Variants in ZNF451 observed in about 807,000 individuals in gnomAD.
ZNF451 encodes the protein zinc finger protein 451.
ZNF451 carries 80 observed loss-of-function variants against 107.1 expected under a neutral mutation model. The observed-to-expected ratio is 0.75, with a 90% CI of 0.62 to 0.90. The LOEUF (loss-of-function observed/expected upper bound fraction) is 0.90. Ranked by LOEUF, ZNF451 falls within the 40% of genes least tolerant of loss-of-function variation. The probability of loss-of-function intolerance (pLI) is 0.00; values close to 1 mark genes in which losing one functional copy is unlikely to be tolerated. For synonymous variants in ZNF451, 362 were observed against 406.5 expected (o/e 0.89, Z 1.32); for missense variants, 1,107 against 1,236.2 (o/e 0.90, Z 1.57).
At chr6:57,133,819 T>C (rs1370317386) in intron 6 of ZNF451, among the ~76,000 whole-genome samples, 1 of 151,920 alleles carries the variant, frequency 6.6e-6, no homozygotes, top group Non-Finnish European at 1.5e-5. Flanking sequence ...GGACTACAGG[T>C]TGTGCGCCAC....
At chr6:57,124,686 C>A in intron 3 of ZNF451, 48 bp from the exon 4 acceptor site, 1 of 1,375,636 alleles carries the variant, frequency 7.3e-7, no homozygotes, top group South Asian at 1.2e-5. Context: ...GTATATTATC[C>A]AAATGCTAAT....
At chr6:57,134,622 G>T in intron 6 of ZNF451, 122 bp from the exon 7 acceptor site, 1 of 775,464 alleles carries the variant, frequency 1.3e-6, no homozygotes, top group Non-Finnish European at 2.0e-6. Flanking sequence ...TAATATTTCA[G>T]TAGAAAAGTG....
chr6:57,115,727 A>G (rs2127952464), intron 3 of ZNF451, among the ~76,000 whole-genome samples: 1 of 152,312 alleles, frequency 6.6e-6, no homozygotes, highest in Middle Eastern at 3.4e-3. Flanking sequence ...GATCTGAAGT[A>G]TTGGCAAACA....
At chr6:57,103,936 T>G in intron 3 of ZNF451, 6 of 985,382 alleles carry the variant, frequency 6.1e-6, no homozygotes, top group Non-Finnish European at 7.2e-6. Flanking sequence ...GGCGTAAATT[T>G]TCCTACTTGG....
chr6:57,118,137 A>G (rs1830459874), intron 3 of ZNF451, among the ~76,000 whole-genome samples: 1 of 152,202 alleles, frequency 6.6e-6, no homozygotes, highest in Non-Finnish European at 1.5e-5. Context: ...GTCTCCAGAC[A>G]AATTTAGGCA....
Position 57,122,004 on chromosome 6 carries a change from G to GT in ZNF451, c.187-2729dup, listed in dbSNP as rs1830661126. Among the ~76,000 whole-genome samples, 4 of 152,260 alleles carry GT rather than the reference G, an allele frequency of 2.6e-5. No individual in the cohort carries two copies. In the East Asian group the frequency reaches 7.7e-4, roughly 29 times the overall value. ...CTACAAGGCTACAGTAACCAAACCA[G>GT]TATGGTACTGTTATAAAAATAGACA... is the stretch of plus-strand genomic sequence containing the variant. On this transcript the variant is annotated intron_variant, in intron 3 of 14. Transcript: ENST00000370706.
intron 14 of ZNF451, chr6:57,165,522 T>C (rs1763857044): frequency 1.3e-5 from 2 of 152,170 alleles, no homozygotes; most frequent in South Asian, 4.1e-4. Flanking sequence ...ATCTTTAAAT[T>C]TGCTGACTCT....
intron 3 of ZNF451, 72 bp downstream of exon 3, chr6:57,099,213 C>A: frequency 8.3e-7 from 1 of 1,204,914 alleles, no homozygotes; most frequent in Non-Finnish European, 1.2e-6. Context: ...AGAGAGTTAC[C>A]AAATCAGGGA....
At chr6:57,165,188 A>G (rs991251223) in intron 14 of ZNF451, 2 of 152,186 alleles carry the variant, frequency 1.3e-5, no homozygotes, top group Non-Finnish European at 2.9e-5. Flanking sequence ...GGCTTTTGAC[A>G]GTTTGACTAT....
At chr6:57,136,687 C>T (rs1349072794) in intron 7 of ZNF451, among the ~76,000 whole-genome samples, 2 of 151,978 alleles carry the variant, frequency 1.3e-5, no homozygotes, top group Non-Finnish European at 1.5e-5. Context: ...GACATGTTTC[C>T]CTATTCATAT....
At chr6:57,105,641 T>G in intron 3 of ZNF451, 2 of 985,422 alleles carry the variant, frequency 2.0e-6, no homozygotes, top group Non-Finnish European at 2.4e-6. Context: ...TTTTTGTTAT[T>G]AGTGAGTGGC....
intron 3 of ZNF451, chr6:57,114,859 AAAAG>A (rs1830289542): frequency 6.6e-6 from 1 of 152,204 alleles, no homozygotes; most frequent in Non-Finnish European, 1.5e-5. Context: ...ATAAATGTAA[AAAAG>A]AAAAAACCCT....
rs757120587 is a variant in ZNF451, at chr6:57,090,292, G to A, written c.21+18G>A. 15 of 1,610,328 alleles carry A rather than the reference G, an allele frequency of 9.3e-6. No homozygotes were observed. Among genetic ancestry groups the A allele is most frequent in the Admixed American group, 1.7e-5 (1 of 59,788 alleles). On this transcript the variant is annotated intron_variant, in intron 1 of 14. Transcript: ENST00000370706. ...GGTCGGAGGTGAGTAGTCGAGTGAG[G>A]GTCCTGGCGTTCTCAGAGGCGAACC...
Position 57,142,034 on chromosome 6 carries a change from G to C in ZNF451, c.943G>C (p.Val315Leu), listed in dbSNP as rs776834899. Residue 315 changes from valine to leucine, a missense_variant, in exon 9 of 15, where the codon GTT becomes CTT. Transcript: ENST00000370706. ...ISLCKDVPFQ[V>L]KCVACHKTLR... ...TCTGTGCAAAGATGTTCCCTTTCAAGTTAAGTGTGTGGCCTGCCACAAGAC... is the reference window on the plus strand; with the variant it reads ...TCTGTGCAAAGATGTTCCCTTTCAACTTAAGTGTGTGGCCTGCCACAAGAC... The C allele has an allele frequency of 6.2e-7, 1 of 1,614,054 alleles. No homozygotes were observed. Among genetic ancestry groups the C allele is most frequent in the Non-Finnish European group, 8.5e-7 (1 of 1,179,934 alleles).
intron 13 of ZNF451, chr6:57,158,417 TAA>T (rs1255042178): frequency 2.8e-6 from 2 of 717,168 alleles, no homozygotes; most frequent in African/African-American, 3.9e-5. Context: ...CTTTAAAAAG[TAA>T]AGTGATTATA....
At chr6:57,106,680 C>G in intron 3 of ZNF451, 1 of 972,142 alleles carries the variant, frequency 1.0e-6, no homozygotes, top group Non-Finnish European at 1.2e-6. Flanking sequence ...GTTCTCTTGT[C>G]TTTTGGAATC....
intron 9 of ZNF451, among the ~76,000 whole-genome samples, chr6:57,143,680 A>C (rs1326454002): frequency 6.6e-6 from 1 of 152,196 alleles, no homozygotes; most frequent in African/African-American, 2.4e-5. Flanking sequence ...TTACCATATG[A>C]TCCAGCAATT....
At chr6:57,121,637 A>G (rs979053835) in intron 3 of ZNF451, among the ~76,000 whole-genome samples, 1 of 152,200 alleles carries the variant, frequency 6.6e-6, no homozygotes, top group African/African-American at 2.4e-5. Flanking sequence ...TACAATAGCC[A>G]CACAAAAAAA....
intron 4 of ZNF451, among the ~76,000 whole-genome samples, chr6:57,127,368 A>G (rs1261563837): frequency 6.6e-6 from 1 of 152,240 alleles, no homozygotes; most frequent in African/African-American, 2.4e-5. Context: ...TATATAATGC[A>G]TATTAACATT....
Sources: allele counts gnomAD v4.1 joint callset (sites outside exome capture counted in the v4.1 genomes callset), GRCh38; gene constraint gnomAD v4.1.1; transcripts MANE v1.5; gene names NCBI Gene and HGNC (gene_info 2026-07-23, HGNC 2026-07-21).